Variants in CCSER1 observed in about 807,000 individuals in gnomAD.
CCSER1 encodes the protein coiled-coil serine rich protein 1, also known as serine-rich coiled-coil domain-containing protein 1.
Under a neutral mutation model 82.0 loss-of-function variants are expected in CCSER1, and 41 were observed. That is an observed-to-expected ratio of 0.50 (90% CI 0.39 to 0.65). The LOEUF is 0.65. Among genes scored for constraint, CCSER1 ranks in the 30% least tolerant of loss-of-function variants. The probability of loss-of-function intolerance (pLI) is 0.00; values close to 1 mark genes in which losing one functional copy is unlikely to be tolerated. For synonymous variants in CCSER1, 414 were observed against 383.9 expected, an observed-to-expected ratio of 1.08 and a Z score of -0.92; for missense variants, 1,119 against 1,064.2, an observed-to-expected ratio of 1.05 and a Z score of -0.72.
chr4:90,764,207 A>G (rs543004076), intron 7 of CCSER1, among the ~76,000 whole-genome samples: 2 of 152,276 alleles, frequency 1.3e-5, no homozygotes, highest in South Asian at 2.1e-4. Context: ...AATCAATGAG[A>G]GCAAGCTTGC....
At position 90,583,126 on chromosome 4, in the gene CCSER1, G is replaced by A. The variant is rs535033367; in HGVS notation, c.1725-44899G>A. Among the ~76,000 whole-genome samples the A allele has an allele frequency of 3.3e-5, 5 of 152,192 alleles. No individual in the cohort carries two copies. In the South Asian group the frequency reaches 6.2e-4, roughly 19 times the overall value. On this transcript the variant is annotated intron_variant, in intron 5 of 10. Coordinates refer to ENST00000509176, the MANE Select transcript of CCSER1 (RefSeq NM_001145065.2). ...TTCTACTCAATGGTTTTGTGAGTCC[G>A]TTAATTATATTACATTATTTCACAT...
intron 10 of CCSER1, among the ~76,000 whole-genome samples, chr4:91,398,939 A>C (rs534335985): frequency 6.6e-6 from 1 of 151,998 alleles, no homozygotes; most frequent in Admixed American, 6.6e-5. Flanking sequence ...TCCAGAGCTT[A>C]AGAAAATTAA....
At chr4:90,243,318 G>C (rs981810032) in intron 1 of CCSER1, among the ~76,000 whole-genome samples, 1 of 151,818 alleles carries the variant, frequency 6.6e-6, no homozygotes, top group African/African-American at 2.4e-5. Flanking sequence ...GGACAATCTA[G>C]ACTCACTGCA....
intron 10 of CCSER1, among the ~76,000 whole-genome samples, chr4:91,490,663 A>T (rs1758469536): frequency 6.6e-6 from 1 of 151,032 alleles, no homozygotes; most frequent in Non-Finnish European, 1.5e-5. Flanking sequence ...AACGAATACG[A>T]TCAAGTATTT....
chr4:90,766,708 AT>A (rs1751294125), intron 7 of CCSER1, among the ~76,000 whole-genome samples: 1 of 152,132 alleles, frequency 6.6e-6, no homozygotes, highest in Non-Finnish European at 1.5e-5. Flanking sequence ...TTGAAATTGA[AT>A]TTTATTCACA....
At chr4:90,167,419 T>C (rs1163889345) in intron 1 of CCSER1, among the ~76,000 whole-genome samples, 2 of 152,098 alleles carry the variant, frequency 1.3e-5, no homozygotes, top group Admixed American at 6.6e-5. Flanking sequence ...CACTCATACG[T>C]AGTCATTAAT....
intron 9 of CCSER1, among the ~76,000 whole-genome samples, chr4:91,052,473 T>C (rs1401169996): frequency 1.3e-5 from 2 of 152,236 alleles, no homozygotes; most frequent in Admixed American, 6.5e-5. Flanking sequence ...ACATAAAGCT[T>C]TATGTCATCC....
At chr4:90,766,011 T>C (rs1180512668) in intron 7 of CCSER1, among the ~76,000 whole-genome samples, 1 of 152,036 alleles carries the variant, frequency 6.6e-6, no homozygotes, top group Non-Finnish European at 1.5e-5. Flanking sequence ...CCAAAGAGGT[T>C]AGCAGGAACA....
chr4:91,407,061 T>G (rs1366463441), intron 10 of CCSER1, among the ~76,000 whole-genome samples: 1 of 152,210 alleles, frequency 6.6e-6, no homozygotes. Context: ...TAACCCTTCT[T>G]GCTTTGCTGC....
chr4:91,462,015 C>T (rs1379759958), intron 10 of CCSER1, among the ~76,000 whole-genome samples: 1 of 152,048 alleles, frequency 6.6e-6, no homozygotes, highest in Non-Finnish European at 1.5e-5. Flanking sequence ...TTCCAGGGAC[C>T]TATTGCTGCT....
chr4:91,278,479 A>G (rs1742646682), intron 10 of CCSER1, among the ~76,000 whole-genome samples: 1 of 152,100 alleles, frequency 6.6e-6, no homozygotes, highest in Non-Finnish European at 1.5e-5. Flanking sequence ...TGAAGTAAGT[A>G]TAGCTACTCC....
At chr4:91,324,394 TGTC>T (rs1339540628) in intron 10 of CCSER1, among the ~76,000 whole-genome samples, 1 of 152,184 alleles carries the variant, frequency 6.6e-6, no homozygotes, top group African/African-American at 2.4e-5. Context: ...TCTCGAGTGT[TGTC>T]AACGTCAACG....
intron 10 of CCSER1, among the ~76,000 whole-genome samples, chr4:91,579,323 C>G (rs1470616401): frequency 6.6e-6 from 1 of 151,340 alleles, no homozygotes; most frequent in African/African-American, 2.4e-5. Context: ...TCCTAGTGTA[C>G]CCATCACCCA....
At chr4:91,322,655 C>T (rs1746276428) in intron 10 of CCSER1, among the ~76,000 whole-genome samples, 1 of 151,852 alleles carries the variant, frequency 6.6e-6, no homozygotes, top group South Asian at 2.1e-4. Context: ...GAAACATGAA[C>T]ATTTAAAAGT....
intron 5 of CCSER1, among the ~76,000 whole-genome samples, chr4:90,472,572 C>T (rs1764543771): frequency 6.6e-6 from 1 of 152,118 alleles, no homozygotes; most frequent in African/African-American, 2.4e-5. Flanking sequence ...CAGAGCTTTC[C>T]ACTTCCTGCA....
At chr4:90,713,527 G>C (rs1741041683) in intron 6 of CCSER1, among the ~76,000 whole-genome samples, 1 of 151,594 alleles carries the variant, frequency 6.6e-6, no homozygotes, top group Admixed American at 6.6e-5. Flanking sequence ...TAGTCTGATG[G>C]GCTTCCCTTT....
intron 10 of CCSER1, among the ~76,000 whole-genome samples, chr4:91,281,608 G>A (rs71597239): frequency 0.025 from 3,749 of 152,166 alleles, 57 homozygotes; most frequent in Non-Finnish European, 0.038. Context: ...TAAATGCCTC[G>A]GAACCAGTTA....
At chr4:91,255,281 A>G (rs913622423) in intron 10 of CCSER1, among the ~76,000 whole-genome samples, 3 of 152,200 alleles carry the variant, frequency 2.0e-5, no homozygotes, top group African/African-American at 7.2e-5. Context: ...ATAAAAATAT[A>G]TAACTCACAG....
At chr4:90,600,540 C>A (rs1194644981) in intron 5 of CCSER1, among the ~76,000 whole-genome samples, 1 of 151,928 alleles carries the variant, frequency 6.6e-6, no homozygotes, top group Non-Finnish European at 1.5e-5. Context: ...TTTTAGAACT[C>A]TCTCTATATT....
Sources: allele counts gnomAD v4.1 joint callset (sites outside exome capture counted in the v4.1 genomes callset), GRCh38; gene constraint gnomAD v4.1.1; transcripts MANE v1.5; gene names NCBI Gene and HGNC (gene_info 2026-07-23, HGNC 2026-07-21).